The following PSME4 variants were observed in gnomAD, a reference collection of about 807,000 sequenced individuals.
PSME4 encodes the protein proteasome activator complex subunit 4.
A neutral mutation model predicts 253.9 loss-of-function variants in PSME4; 89 were observed. That is an observed-to-expected ratio of 0.35 (90% CI 0.30 to 0.42). PSME4 has a LOEUF of 0.42. PSME4 is among the 10% of genes least tolerant of loss of function. The pLI is 1.00. For missense variants in PSME4, 2,014 were observed against 2,195.2 expected, an observed-to-expected ratio of 0.92 and a Z score of 1.65; for synonymous variants, 851 against 759.2, an observed-to-expected ratio of 1.12 and a Z score of -1.99.
At chr2:53,964,139 C>T (rs1670612272) in intron 1 of PSME4, among the ~76,000 whole-genome samples, 2 of 151,976 alleles carry the variant, frequency 1.3e-5, no homozygotes, top group Admixed American at 1.3e-4. Context: ...AAGAAAACGA[C>T]AAGCTGTTTT....
chr2:53,886,827 A>ATTAAGG lies in PSME4; in HGVS notation c.4729+431_4729+432insCCTTAA, dbSNP rs560577867. Among the ~76,000 whole-genome samples, 1,380 of 152,340 alleles carry ATTAAGG rather than the reference A, an allele frequency of 9.1e-3. 15 individuals are homozygous for ATTAAGG. Among genetic ancestry groups the ATTAAGG allele is most frequent in the African/African-American group, 0.032 (1,312 of 41,580 alleles). On this transcript the variant is annotated intron_variant, in intron 40 of 46. Transcript: ENST00000404125. ...ATATCCAGCAAACAGATGAATGGGT[A>ATTAAGG]ACAGATTAAGGACACAACATGATTC...
chr2:53,901,291 G>C (rs1680387233), intron 28 of PSME4, 59 bp downstream of exon 28: 2 of 1,420,960 alleles, frequency 1.4e-6, no homozygotes, highest in Non-Finnish European at 2.0e-6. Context: ...AAAAATAAAG[G>C]GCATTTTAAC....
chr2:53,898,330 G>A lies in PSME4; in HGVS notation c.3447C>T (p.Thr1149=), dbSNP rs577889067. 1.2e-5 allele frequency: 20 copies of A among 1,604,638 alleles called. No individual in the cohort carries two copies. In the South Asian group the frequency reaches 2.2e-4, roughly 17 times the overall value. ...ALRNYENLVD[T]LLDGVEQRNL... ...TTCTTTGCTCCACACCATCTAGCAA[G>A]GTGTCTACCAAATTTTCATAGTTCC... The change falls in exon 30 of 47, where the codon ACC becomes ACT. Residue 1149 remains threonine (T), a synonymous_variant. Coordinates refer to ENST00000404125, the MANE Select transcript of PSME4 (RefSeq NM_014614.3).
intron 20 of PSME4, among the ~76,000 whole-genome samples, chr2:53,913,536 C>T (rs975677566): frequency 2.0e-5 from 3 of 152,166 alleles, no homozygotes; most frequent in African/African-American, 7.2e-5. Context: ...CCTTCCCCTT[C>T]CAAATAAAAA....
chr2:53,962,900 C>T (rs919489358), intron 1 of PSME4, among the ~76,000 whole-genome samples: 3 of 151,710 alleles, frequency 2.0e-5, no homozygotes, highest in South Asian at 4.1e-4. Flanking sequence ...GTCCCAGCTA[C>T]GCAGGAGGCT....
intron 43 of PSME4, among the ~76,000 whole-genome samples, chr2:53,873,243 A>AAAAAAAAAAAAAAAG (rs1553403170): frequency 5.5e-4 from 84 of 151,510 alleles, no homozygotes; most frequent in African/African-American, 2.0e-3. Context: ...CGTCTCAAAA[A>AAAAAAAAAAAAAAAG]AAAAGAAAAA....
intron 20 of PSME4, among the ~76,000 whole-genome samples, chr2:53,914,893 T>C (rs7560575): frequency 0.13 from 19,172 of 152,134 alleles, 2,098 homozygotes; most frequent in African/African-American, 0.3. Flanking sequence ...AAAAAAGATA[T>C]TTAGTAACCC....
chr2:53,909,922 A>G lies in PSME4; in HGVS notation c.2572+153T>C, dbSNP rs1303472360. On this transcript the variant is annotated intron_variant, in intron 21 of 46. Coordinates refer to ENST00000404125, the MANE Select transcript of PSME4 (RefSeq NM_014614.3). ...GAGGCAGGGGTTGCAGTGAGCAGAG[A>G]TCGCGTCACCACACTCCAGCCTGGG... 2.6e-5 allele frequency among the ~76,000 whole-genome samples: 4 copies of G among 152,314 alleles called. 1 individual carries two copies. In the South Asian group the frequency reaches 8.3e-4, roughly 32 times the overall value.
chr2:53,928,402 A>G (rs1009789868), intron 10 of PSME4, 99 bp from the exon 11 acceptor site: 1 of 991,556 alleles, frequency 1.0e-6, no homozygotes, highest in Non-Finnish European at 1.4e-6. Flanking sequence ...ACTTTGACTT[A>G]AAGGCTTACA....
intron 44 of PSME4, among the ~76,000 whole-genome samples, chr2:53,868,418 C>T (rs1354337124): frequency 6.7e-6 from 1 of 149,586 alleles, no homozygotes; most frequent in African/African-American, 2.5e-5. Context: ...TGCCACTGCA[C>T]TCCAGCCTGG....
chr2:53,920,046 C>T (rs1387710047), intron 19 of PSME4, 147 bp downstream of exon 19: 4 of 747,260 alleles, frequency 5.4e-6, no homozygotes, highest in African/African-American at 3.5e-5. Flanking sequence ...TGTTATACAA[C>T]ATTATATTAA....
chr2:53,939,838 A>G (rs1669302709), intron 4 of PSME4, 118 bp downstream of exon 4: 1 of 801,142 alleles, frequency 1.2e-6, no homozygotes, highest in East Asian at 2.8e-5. Flanking sequence ...GTGCTCAGTG[A>G]CTAACATCAC....
chr2:53,883,224 G>T (rs1679477767), intron 41 of PSME4, among the ~76,000 whole-genome samples: 1 of 152,030 alleles, frequency 6.6e-6, no homozygotes, highest in Non-Finnish European at 1.5e-5. Context: ...ATTAAATTAG[G>T]AATGGGAGAC....
intron 10 of PSME4, among the ~76,000 whole-genome samples, chr2:53,931,206 G>A (rs948962652): frequency 1.3e-5 from 2 of 152,192 alleles, no homozygotes; most frequent in Non-Finnish European, 2.9e-5. Flanking sequence ...GAACCAGGAA[G>A]GCGGAGGTTG....
At position 53,898,357 on chromosome 2, in the gene PSME4, T is replaced by TC. The variant is rs1178012460; in HGVS notation, c.3423-4_3423-3insG. On this transcript the variant is annotated splice_region_variant and splice_polypyrimidine_tract_variant and intron_variant, in intron 29 of 46. Transcript: ENST00000404125. ...TGTCTACCAAATTTTCATAGTTCCT[T>TC]TAAAAAAAAGGTGAGGTATTATTTT... The TC allele has an allele frequency of 4.0e-5, 64 of 1,586,582 alleles. No individual in the cohort carries two copies. The highest frequency in any genetic ancestry group is 9.5e-5 in the African/African-American group (7 of 73,680).
At chr2:53,934,792 G>A (rs761048272) in intron 7 of PSME4, 65 bp from the exon 8 acceptor site, 226 of 1,279,354 alleles carry the variant, frequency 1.8e-4, no homozygotes, top group Non-Finnish European at 2.4e-4. Context: ...AGCTTAGTAA[G>A]TGCTGTATAT....
intron 12 of PSME4, among the ~76,000 whole-genome samples, chr2:53,926,793 T>C (rs1668576069): frequency 6.6e-6 from 1 of 151,626 alleles, no homozygotes; most frequent in Non-Finnish European, 1.5e-5. Context: ...GCCAACATGA[T>C]GAAACCCCAT....
In PSME4 at chr2:53,919,249, AG is replaced by A; in HGVS notation, c.2421-4del. Reference sequence around the variant, plus strand: ...TCAGACTCTGTAGAATATCATCTCTAGAAAAAAAAAAAAGACATTTTCATAT... The same window carrying A: ...TCAGACTCTGTAGAATATCATCTCTAAAAAAAAAAAAAGACATTTTCATAT... On this transcript the variant is annotated splice_polypyrimidine_tract_variant and splice_region_variant and intron_variant, in intron 19 of 46. Coordinates refer to ENST00000404125, the MANE Select transcript of PSME4 (RefSeq NM_014614.3). 1.3e-6 allele frequency: 2 copies of A among 1,563,684 alleles called. No individual in the cohort carries two copies. Among genetic ancestry groups the A allele is most frequent in the Non-Finnish European group, 1.7e-6 (2 of 1,161,620 alleles).
intron 1 of PSME4, among the ~76,000 whole-genome samples, chr2:53,966,577 G>C (rs573880067): frequency 6.6e-5 from 10 of 151,510 alleles, no homozygotes; most frequent in African/African-American, 2.2e-4. Context: ...AAAAAAAAAA[G>C]ATAATAATGT....
Sources: allele counts gnomAD v4.1 joint callset (sites outside exome capture counted in the v4.1 genomes callset), GRCh38; gene constraint gnomAD v4.1.1; transcripts MANE v1.5; gene names NCBI Gene and HGNC (gene_info 2026-07-23, HGNC 2026-07-21).